Variants in MAP3K7CL observed in about 807,000 individuals in gnomAD.
The protein encoded by MAP3K7CL is MAP3K7 C-terminal-like protein.
In MAP3K7CL, 16 loss-of-function variants were observed where a neutral mutation model predicts 18.6. The ratio of observed to expected loss-of-function variants is 0.86; its 90% CI spans 0.58 to 1.31. MAP3K7CL has a LOEUF of 1.31. Among genes scored for constraint, MAP3K7CL ranks in the 50% most tolerant of loss-of-function variants. The pLI is 0.00. For missense variants in MAP3K7CL, 163 were observed against 174.4 expected, an observed-to-expected ratio of 0.93 and a Z score of 0.37; for synonymous variants, 65 against 66.8, an observed-to-expected ratio of 0.97 and a Z score of 0.13.
chr21:29,156,835 G>A (rs2087416379), intron 3 of MAP3K7CL, among the ~76,000 whole-genome samples: 1 of 152,152 alleles, frequency 6.6e-6, no homozygotes, highest in African/African-American at 2.4e-5. Context: ...CCTGGCTGGG[G>A]TAAATGGCCA....
intron 4 of MAP3K7CL, chr21:29,109,248 A>G (rs2086378567): frequency 1.3e-6 from 2 of 1,535,006 alleles, no homozygotes; most frequent in Admixed American, 2.0e-5. Flanking sequence ...AAGAAATTCC[A>G]TATATACAAC....
At chr21:29,159,826 A>T (rs9979171) in intron 3 of MAP3K7CL, 115 bp from the exon 4 acceptor site, 15 of 23,560 alleles carry the variant, frequency 6.4e-4, no homozygotes, top group Non-Finnish European at 5.6e-4. Flanking sequence ...TTCTCACGTT[A>T]AAAAAAAAAA....
chr21:29,107,493 A>C (rs1305019059), intron 4 of MAP3K7CL, among the ~76,000 whole-genome samples: 1 of 152,162 alleles, frequency 6.6e-6, no homozygotes, highest in Non-Finnish European at 1.5e-5. Flanking sequence ...TAAGTGAATC[A>C]TGATAATCCT....
At chr21:29,166,784 T>C (rs1168011807) in intron 4 of MAP3K7CL, among the ~76,000 whole-genome samples, 1 of 152,238 alleles carries the variant, frequency 6.6e-6, no homozygotes, top group East Asian at 1.9e-4. Flanking sequence ...GAATATATAA[T>C]ATTTTATCCT....
intron 3 of MAP3K7CL, chr21:29,091,834 A>G (rs1185489116): frequency 2.2e-5 from 15 of 679,388 alleles, no homozygotes; most frequent in South Asian, 3.1e-5. Context: ...AGTGCTTCCT[A>G]TGTACCAGGT....
intron 4 of MAP3K7CL, chr21:29,109,906 C>A: frequency 2.0e-6 from 1 of 510,412 alleles, no homozygotes. Flanking sequence ...GATTGCTCTC[C>A]AAGAAGACAT....
intron 4 of MAP3K7CL, among the ~76,000 whole-genome samples, chr21:29,114,224 A>T (rs2086467874): frequency 6.6e-6 from 1 of 151,840 alleles, no homozygotes. Context: ...ATGCGCCACC[A>T]TGCCTAGCTA....
At chr21:29,146,851 A>G (rs114404038) in intron 2 of MAP3K7CL, among the ~76,000 whole-genome samples, 20 of 152,338 alleles carry the variant, frequency 1.3e-4, no homozygotes, top group Admixed American at 4.6e-4. Context: ...GTCAAAGTGA[A>G]TACCATGCTT....
chr21:29,128,111 A>C (rs1305478313), upstream of MAP3K7CL: 1 of 152,220 alleles, frequency 6.6e-6, no homozygotes, highest in East Asian at 1.9e-4. Flanking sequence ...GAGACAGCAC[A>C]GATGTGGTAT....
intron 1 of MAP3K7CL, among the ~76,000 whole-genome samples, chr21:29,087,589 C>CTTTTTTTTTTT (rs56775764): frequency 1.1e-4 from 12 of 104,352 alleles, no homozygotes; most frequent in South Asian, 3.0e-4. Flanking sequence ...TTTTCTTTTT[C>CTTTTTTTTTTT]TTTTTTTTTT....
At chr21:29,172,241 CTTTTT>C (rs35612617) in intron 4 of MAP3K7CL, among the ~76,000 whole-genome samples, 1 of 126,248 alleles carries the variant, frequency 7.9e-6, no homozygotes, top group Non-Finnish European at 1.6e-5. Flanking sequence ...TTGTCATTTT[CTTTTT>C]TTTTTTTTTT....
In MAP3K7CL at chr21:29,090,973, C is replaced by T. The variant is rs1033612166; in HGVS notation, c.58-528C>T. Among the ~76,000 whole-genome samples, 3 of 151,952 alleles carry T rather than the reference C, an allele frequency of 2.0e-5. No homozygotes were observed. In the East Asian group the frequency reaches 5.8e-4, roughly 29 times the overall value. ...AAATATTTTATTTACTCCAACTTAC[C>T]AATTTTATCATTTCAACATTTTGTC... On this transcript the variant is annotated intron_variant, in intron 1 of 6. Coordinates refer to the MAP3K7CL transcript ENST00000286791.
chr21:29,082,265 C>A (rs947241666), upstream of MAP3K7CL, among the ~76,000 whole-genome samples: 2 of 152,048 alleles, frequency 1.3e-5, no homozygotes, highest in Admixed American at 6.5e-5. Context: ...CATTAGTTAG[C>A]GATTGTTGTG....
chr21:29,160,403 T>C (rs1383296608), intron 4 of MAP3K7CL, among the ~76,000 whole-genome samples: 3 of 152,240 alleles, frequency 2.0e-5, no homozygotes, highest in Admixed American at 2.0e-4. Context: ...AATGATGGCA[T>C]TCCCACATCA....
At chr21:29,118,332 G>T (rs1300458494) in intron 4 of MAP3K7CL, among the ~76,000 whole-genome samples, 1 of 130,382 alleles carries the variant, frequency 7.7e-6, no homozygotes, top group Non-Finnish European at 1.6e-5. Flanking sequence ...TGATTTGCCT[G>T]CCTCGGCCTC....
chr21:29,158,334 T>A (rs1476639710), intron 3 of MAP3K7CL, among the ~76,000 whole-genome samples: 2 of 152,158 alleles, frequency 1.3e-5, no homozygotes, highest in African/African-American at 4.8e-5. Context: ...TATTTTTCAA[T>A]TGAATCCCGT....
At chr21:29,122,740 G>C (rs1252679941) in intron 4 of MAP3K7CL, among the ~76,000 whole-genome samples, 1 of 152,156 alleles carries the variant, frequency 6.6e-6, no homozygotes, top group East Asian at 1.9e-4. Context: ...GGGCAGGCCA[G>C]GGTGATTTTG....
At chr21:29,152,853 A>G (rs976749685) in intron 3 of MAP3K7CL, among the ~76,000 whole-genome samples, 15 of 152,306 alleles carry the variant, frequency 9.8e-5, no homozygotes, top group African/African-American at 3.6e-4. Context: ...GGCTGCTTAA[A>G]TTACTTTGAT....
intron 1 of MAP3K7CL, among the ~76,000 whole-genome samples, chr21:29,078,468 G>T (rs56161101): frequency 0.17 from 26,404 of 152,066 alleles, 2,556 homozygotes; most frequent in African/African-American, 0.26. Flanking sequence ...TCAGAGTCTC[G>T]CTGGACTACA....
Sources: gnomAD v4.1 joint callset for allele counts (sites outside exome capture counted in the v4.1 genomes callset) on GRCh38, gnomAD v4.1.1 for gene constraint, MANE v1.5 for transcripts, NCBI Gene and HGNC (gene_info 2026-07-23, HGNC 2026-07-21) for gene names.